RECK: variants seen among roughly 807,000 people sequenced by gnomAD.
RECK encodes the protein reversion-inducing cysteine-rich protein with Kazal motifs.
Under a neutral mutation model 115.1 loss-of-function variants are expected in RECK, and 69 were observed. The ratio of observed to expected loss-of-function variants is 0.60; its 90% CI spans 0.49 to 0.73. The LOEUF is 0.73. Among genes scored for constraint, RECK ranks in the 30% least tolerant of loss-of-function variants. RECK has a pLI of 0.00. For synonymous variants in RECK, 414 were observed against 419.7 expected, an observed-to-expected ratio of 0.99 and a Z score of 0.17; for missense variants, 1,047 against 1,203.7, an observed-to-expected ratio of 0.87 and a Z score of 1.93.
At chr9:36,062,527 G>C (rs144361606) in intron 4 of RECK, among the ~76,000 whole-genome samples, 167 of 151,980 alleles carry the variant, frequency 1.1e-3, no homozygotes, top group African/African-American at 3.9e-3. Flanking sequence ...GCCCAGGCTG[G>C]AGTGCAGTGG....
chr9:36,119,481 G>A (rs1333943680), intron 18 of RECK, among the ~76,000 whole-genome samples: 2 of 152,136 alleles, frequency 1.3e-5, no homozygotes, highest in East Asian at 3.8e-4. Context: ...AGCAATAACA[G>A]TTTTTTAAAA....
chr9:36,063,795 G>A lies in RECK; in HGVS notation c.272G>A (p.Gly91Asp), dbSNP rs750050708. ...IWNCMNSSLPGVFKKSDGWVG... is the reference protein window; with the variant it reads ...IWNCMNSSLPDVFKKSDGWVG... ...AACATTTAAACATTTTGTTTTTAAG[G>A]TGTGTTTAAGAAGTCTGATGGCTGG... Residue 91 changes from glycine to aspartate, a missense_variant and splice_region_variant, in exon 5 of 21, where the codon GGT becomes GAT. Transcript: ENST00000377966. The A allele has an allele frequency of 3.1e-6, 5 of 1,613,780 alleles. No individual in the cohort carries two copies. The highest frequency in any genetic ancestry group is 4.2e-6 in the Non-Finnish European group (5 of 1,179,756).
intron 6 of RECK, among the ~76,000 whole-genome samples, chr9:36,073,716 A>G (rs1325963032): frequency 6.6e-6 from 1 of 152,152 alleles, no homozygotes; most frequent in Non-Finnish European, 1.5e-5. Flanking sequence ...TTCTCAGTCT[A>G]GCTCCTGGTT....
At chr9:36,080,501 A>T in intron 6 of RECK, 104 bp from the exon 7 acceptor site, 4 of 912,410 alleles carry the variant, frequency 4.4e-6, no homozygotes, top group Non-Finnish European at 6.9e-6. Flanking sequence ...GGAAGAATTA[A>T]ATAGTTTTAA....
chr9:36,108,629 C>CT (rs1179508068), intron 14 of RECK, among the ~76,000 whole-genome samples: 1 of 152,064 alleles, frequency 6.6e-6, no homozygotes, highest in Non-Finnish European at 1.5e-5. Flanking sequence ...TCCCCCGACC[C>CT]TTTCTTCAGG....
At chr9:36,063,493 C>T (rs140434566) in intron 4 of RECK, among the ~76,000 whole-genome samples, 9 of 152,256 alleles carry the variant, frequency 5.9e-5, no homozygotes, top group African/African-American at 1.9e-4. Context: ...TTCCCTTGTA[C>T]GTCCTCTGGT....
chr9:36,068,835 T>C (rs911123377), intron 6 of RECK, among the ~76,000 whole-genome samples: 1 of 152,218 alleles, frequency 6.6e-6, no homozygotes, highest in Non-Finnish European at 1.5e-5. Context: ...TCTCCAACAT[T>C]AGTCTTATTC....
chr9:36,116,125 CTTT>C lies in RECK; in HGVS notation c.2061-841_2061-839del, dbSNP rs11313050. 4.3e-3 allele frequency among the ~76,000 whole-genome samples: 537 copies of C among 124,432 alleles called. 4 individuals are homozygous for C. The highest frequency in any genetic ancestry group is 0.014 in the African/African-American group (469 of 33,396). 81.6% of individuals were successfully genotyped at this position (124,432 alleles called of 152,430 possible). ...ATTATTTTAGGACAAAGAGTGAGGCCTTTTTTTTTTTTTTTTTTTTTAGACAGA... is the reference window on the plus strand; with the variant it reads ...ATTATTTTAGGACAAAGAGTGAGGCCTTTTTTTTTTTTTTTTTTAGACAGA... On this transcript the variant is annotated intron_variant, in intron 16 of 20. Coordinates refer to ENST00000377966, the MANE Select transcript of RECK (RefSeq NM_021111.3).
intron 8 of RECK, among the ~76,000 whole-genome samples, chr9:36,085,019 C>A (rs1822892661): frequency 1.3e-5 from 2 of 152,078 alleles, no homozygotes; most frequent in South Asian, 4.1e-4. Flanking sequence ...TGTGCCACTG[C>A]ACTCCAGCCT....
chr9:36,089,380 TC>T (rs1823078437), intron 9 of RECK, among the ~76,000 whole-genome samples: 1 of 152,214 alleles, frequency 6.6e-6, no homozygotes, highest in African/African-American at 2.4e-5. Context: ...TCATCAGATT[TC>T]ATCTTCATAA....
At chr9:36,086,458 C>T (rs896942273) in intron 8 of RECK, among the ~76,000 whole-genome samples, 8 of 152,052 alleles carry the variant, frequency 5.3e-5, no homozygotes, top group Non-Finnish European at 7.4e-5. Flanking sequence ...CGCAGACCTT[C>T]GCAGTGAGTG....
At chr9:36,066,970 C>CA (rs1453346924) in intron 6 of RECK, 1 of 669,896 alleles carries the variant, frequency 1.5e-6, no homozygotes. Context: ...AACCATTTTC[C>CA]AAAAATCTGT....
intron 4 of RECK, among the ~76,000 whole-genome samples, chr9:36,062,758 G>A (rs1437870428): frequency 6.6e-6 from 1 of 152,152 alleles, no homozygotes; most frequent in Non-Finnish European, 1.5e-5. Flanking sequence ...GATTACAGGT[G>A]GGAGCCACTG....
In RECK at chr9:36,037,038, C is replaced by G; in HGVS notation, c.40C>G (p.Leu14Val). 7.1e-7 allele frequency: 1 copy of G among 1,416,472 alleles called. No homozygotes were observed. Among genetic ancestry groups the G allele is most frequent in the Non-Finnish European group, 9.3e-7 (1 of 1,080,822 alleles). 87.7% of individuals were successfully genotyped at this position (1,416,472 alleles called of 1,614,324 possible). Residue 14 changes from leucine to valine, a missense_variant, in exon 1 of 21, where the codon CTT (leucine) becomes GTT (valine). Physicochemically the swap from Leu to Val is conservative, Grantham distance 32 (BLOSUM62 1). Transcript: ENST00000377966. ...GGCCTCTCTGCGAGGTGCGCTGCTCCTTCTGCTGGCCGTGGCGGGGGTCGC... is the reference window on the plus strand; with the variant it reads ...GGCCTCTCTGCGAGGTGCGCTGCTCGTTCTGCTGGCCGTGGCGGGGGTCGC... ...VRASLRGALL[L>V]LLAVAGVAEV...
chr9:36,110,180 C>A, intron 15 of RECK, 101 bp downstream of exon 15: 2 of 1,213,294 alleles, frequency 1.6e-6, no homozygotes, highest in South Asian at 3.0e-5. Context: ...CAAATGTACA[C>A]AATAAAATCA....
chr9:36,108,292 C>A, intron 14 of RECK, 128 bp downstream of exon 14: 1 of 632,748 alleles, frequency 1.6e-6, no homozygotes, highest in African/African-American at 1.8e-5. Flanking sequence ...CAGTATTTTT[C>A]AAACTATACA....
intron 1 of RECK, 114 bp from the exon 2 acceptor site, chr9:36,052,151 A>T: frequency 1.6e-6 from 1 of 628,032 alleles, no homozygotes; most frequent in Non-Finnish European, 2.9e-6. Flanking sequence ...AGTTAAAATT[A>T]ATAATAATAA....
At position 36,080,750 on chromosome 9, in the gene RECK, A is replaced by T. The variant is rs984749132; in HGVS notation, c.439+112A>T. 5 of 879,748 alleles carry T rather than the reference A, an allele frequency of 5.7e-6. No homozygotes were observed. The Admixed American group carries it at 9.8e-5, about 17-fold the overall frequency. The allele number at this position is 879,748 out of a possible 1,614,324, so 54.5% of individuals were successfully genotyped here. ...CTCTTTCCCATGGTGTATTTAGGTC[A>T]TTCATGTATTATAACAATTCCCATG... On this transcript the variant is annotated intron_variant, in intron 7 of 20. Coordinates refer to ENST00000377966, the MANE Select transcript of RECK (RefSeq NM_021111.3).
Position 36,060,107 on chromosome 9 carries a change from G to A in RECK, c.235-12G>A. On this transcript the variant is annotated splice_polypyrimidine_tract_variant and intron_variant, in intron 3 of 20. Coordinates refer to ENST00000377966, the MANE Select transcript of RECK (RefSeq NM_021111.3). ...TATCTACATAAAAGCCTTTTGTTGG[G>A]TACACTTTTAGGTTGAAATTTGGAA... is the stretch of plus-strand genomic sequence containing the variant. The A allele has an allele frequency of 6.2e-7, 1 of 1,612,938 alleles. No individual in the cohort carries two copies. Among genetic ancestry groups the A allele is most frequent in the Non-Finnish European group, 8.5e-7 (1 of 1,179,292 alleles).
Sources: gnomAD v4.1 joint callset for allele counts (sites outside exome capture counted in the v4.1 genomes callset) on GRCh38, gnomAD v4.1.1 for gene constraint, MANE v1.5 for transcripts, NCBI Gene and HGNC (gene_info 2026-07-23, HGNC 2026-07-21) for gene names.